The following RTN1 variants were observed in gnomAD, a reference collection of about 807,000 sequenced individuals.
RTN1 encodes the protein reticulon 1, also known as reticulon-1.
Under a neutral mutation model 65.5 loss-of-function variants are expected in RTN1, and 25 were observed. The observed-to-expected ratio is 0.38, with a 90% confidence interval of 0.28 to 0.53. The LOEUF is 0.53. Among genes scored for constraint, RTN1 ranks in the 20% least tolerant of loss-of-function variants. The pLI is 0.79. For synonymous variants in RTN1, 471 were observed against 447.6 expected (o/e 1.05, Z -0.66); for missense variants, 983 against 1,025.4 (o/e 0.96, Z 0.57).
At chr14:59,617,738 G>A (rs1044213520) in intron 3 of RTN1, among the ~76,000 whole-genome samples, 8 of 152,138 alleles carry the variant, frequency 5.3e-5, no homozygotes, top group African/African-American at 1.4e-4. Flanking sequence ...CCTTATAGTA[G>A]GCTGTTCACT....
intron 1 of RTN1, among the ~76,000 whole-genome samples, chr14:59,758,328 C>T (rs1885680997): frequency 6.6e-6 from 1 of 152,140 alleles, no homozygotes. Flanking sequence ...CATGTCACTT[C>T]TCTATTTCAA....
chr14:59,814,223 T>C (rs1237622837), intron 1 of RTN1, among the ~76,000 whole-genome samples: 1 of 152,024 alleles, frequency 6.6e-6, no homozygotes, highest in Non-Finnish European at 1.5e-5. Context: ...AGCAGAAAAA[T>C]ACCCCAGGTC....
At chr14:59,851,553 G>A (rs1887507690) in intron 1 of RTN1, among the ~76,000 whole-genome samples, 1 of 151,866 alleles carries the variant, frequency 6.6e-6, no homozygotes, top group African/African-American at 2.4e-5. Context: ...GTTCCTTAAT[G>A]TTATTCATAA....
chr14:59,812,332 A>T (rs992237067), intron 1 of RTN1, among the ~76,000 whole-genome samples: 3 of 152,232 alleles, frequency 2.0e-5, no homozygotes, highest in African/African-American at 7.2e-5. Context: ...TAGAAATTTC[A>T]TAAAAACAGA....
In RTN1 at chr14:59,766,047, T is replaced by C. The variant is rs1171886189; in HGVS notation, c.242-19566A>G. 6.6e-6 allele frequency among the ~76,000 whole-genome samples: 1 copy of C among 152,262 alleles called. No homozygotes were observed. The highest frequency in any genetic ancestry group is 6.5e-5 in the Admixed American group (1 of 15,290). On this transcript the variant is annotated intron_variant, in intron 1 of 8. Coordinates refer to ENST00000267484, the MANE Select transcript of RTN1 (RefSeq NM_021136.3). The surrounding 1 kb of genome is among the most constrained non-coding windows in gnomAD (Gnocchi z 4.4). ...GGGTTCAAGATCAGCCTGGCCAATA[T>C]GGTGAAACCCAGTCTCTACTAAAAA...
intron 3 of RTN1, among the ~76,000 whole-genome samples, chr14:59,695,120 G>C (rs1884036863): frequency 6.6e-6 from 1 of 152,132 alleles, no homozygotes; most frequent in South Asian, 2.1e-4. Context: ...GAGAGGCAAG[G>C]GCACTTGGTG....
intron 3 of RTN1, among the ~76,000 whole-genome samples, chr14:59,657,309 C>T (rs1371155223): frequency 5.9e-5 from 9 of 151,972 alleles, no homozygotes; most frequent in Admixed American, 1.3e-4. Context: ...CTGGGGAAGC[C>T]GAGGCAGGAG....
At chr14:59,761,118 C>A (rs1885739617) in intron 1 of RTN1, among the ~76,000 whole-genome samples, 1 of 152,170 alleles carries the variant, frequency 6.6e-6, no homozygotes, top group South Asian at 2.1e-4. Flanking sequence ...ACATCTGCAT[C>A]ATTTCAAAAT....
chr14:59,723,881 G>A (rs927908781), intron 3 of RTN1, among the ~76,000 whole-genome samples: 3 of 152,150 alleles, frequency 2.0e-5, no homozygotes, highest in African/African-American at 4.8e-5. Flanking sequence ...TTCCCAACAG[G>A]TGTCCCCCTG....
At chr14:59,747,029 G>T (rs945948485) in intron 1 of RTN1, among the ~76,000 whole-genome samples, 1 of 152,164 alleles carries the variant, frequency 6.6e-6, no homozygotes, top group African/African-American at 2.4e-5. Flanking sequence ...TTCAAGGTCC[G>T]CAGAGAAAGG....
chr14:59,630,556 T>G (rs1882521106), intron 3 of RTN1: 1 of 1,609,866 alleles, frequency 6.2e-7, no homozygotes, highest in Non-Finnish European at 8.5e-7. Context: ...GCGCCGAGCG[T>G]GCACTCAAGC....
intron 3 of RTN1, among the ~76,000 whole-genome samples, chr14:59,639,212 G>C (rs1388449931): frequency 2.0e-5 from 3 of 152,082 alleles, no homozygotes. Context: ...GCAGTTTGTG[G>C]CACCCCAAAA....
At chr14:59,680,530 C>T (rs538654482) in intron 3 of RTN1, among the ~76,000 whole-genome samples, 1 of 152,272 alleles carries the variant, frequency 6.6e-6, no homozygotes, top group South Asian at 2.1e-4. Context: ...TCCCAATGAA[C>T]CCAAATACAA....
chr14:59,671,069 T>A (rs889636860), intron 3 of RTN1, among the ~76,000 whole-genome samples: 1 of 152,160 alleles, frequency 6.6e-6, no homozygotes, highest in Non-Finnish European at 1.5e-5. Flanking sequence ...TACAGATGCA[T>A]AAACTGGCCC....
rs941086791 is a variant in RTN1 at position 59,749,013 on chromosome 14, T to C, written c.242-2532A>G. ...TCATGTCGGCCAGATGGTCTCGAAC[T>C]CCTGACCTCAGGTGATCCTCCCACC... is the stretch of plus-strand genomic sequence containing the variant. On this transcript the variant is annotated intron_variant, in intron 1 of 8. Transcript: ENST00000267484. 3.3e-5 allele frequency among the ~76,000 whole-genome samples: 5 copies of C among 149,996 alleles called. No homozygotes were observed. The Admixed American group carries it at 3.3e-4, about 10-fold the overall frequency.
chr14:59,659,904 T>G (rs1342844153), intron 3 of RTN1, among the ~76,000 whole-genome samples: 1 of 151,758 alleles, frequency 6.6e-6, no homozygotes, highest in Non-Finnish European at 1.5e-5. Context: ...TAACCTTAAA[T>G]GTAAATGGGC....
At chr14:59,631,260 T>C (rs529655605) in intron 3 of RTN1, among the ~76,000 whole-genome samples, 1 of 152,336 alleles carries the variant, frequency 6.6e-6, no homozygotes, top group South Asian at 2.1e-4. Flanking sequence ...GTTACCCCTC[T>C]CTGTTTGTGG....
chr14:59,732,796 A>G (rs543526754), intron 2 of RTN1, among the ~76,000 whole-genome samples: 26 of 152,334 alleles, frequency 1.7e-4, no homozygotes, highest in African/African-American at 5.5e-4. Flanking sequence ...GGAAAAGGGC[A>G]GAATCCAGGG....
At chr14:59,853,412 G>C (rs537923045) in intron 1 of RTN1, among the ~76,000 whole-genome samples, 1 of 152,120 alleles carries the variant, frequency 6.6e-6, no homozygotes, top group African/African-American at 2.4e-5. Context: ...ACATAAACAT[G>C]CCCAGACCCT....
Sources: gnomAD v4.1 joint callset for allele counts (sites outside exome capture counted in the v4.1 genomes callset) on GRCh38, gnomAD v4.1.1 for gene constraint, Gnocchi (gnomAD v3.1) non-coding constraint, MANE v1.5 for transcripts, NCBI Gene and HGNC (gene_info 2026-07-23, HGNC 2026-07-21) for gene names.